The following FHIT variants were observed in gnomAD, a reference collection of about 807,000 sequenced individuals.
FHIT encodes bis(5'-adenosyl)-triphosphatase.
In FHIT, 19 loss-of-function variants were observed where a neutral mutation model predicts 17.9. That is an observed-to-expected ratio of 1.06 (90% CI 0.74 to 1.56). The LOEUF (loss-of-function observed/expected upper bound fraction) is 1.56. Ranked by LOEUF, FHIT falls within the 40% of genes most tolerant of loss-of-function variation. The pLI is 0.00. For synonymous variants in FHIT, 81 were observed against 69.7 expected, an observed-to-expected ratio of 1.16 and a Z score of -0.81; for missense variants, 248 against 189.2, an observed-to-expected ratio of 1.31 and a Z score of -1.82.
At chr3:60,134,549 G>A (rs1699732925) in intron 5 of FHIT, among the ~76,000 whole-genome samples, 1 of 152,184 alleles carries the variant, frequency 6.6e-6, no homozygotes, top group Non-Finnish European at 1.5e-5. Context: ...ACAACATGAT[G>A]ACTATGTTCA....
At chr3:60,104,094 C>T (rs564751589) in intron 5 of FHIT, among the ~76,000 whole-genome samples, 81 of 152,250 alleles carry the variant, frequency 5.3e-4, no homozygotes, top group African/African-American at 1.6e-3. Context: ...TCTTTTTAAA[C>T]CATGCCACAG....
intron 5 of FHIT, among the ~76,000 whole-genome samples, chr3:60,423,087 A>G (rs1702534920): frequency 6.6e-6 from 1 of 152,214 alleles, no homozygotes; most frequent in African/African-American, 2.4e-5. Flanking sequence ...ACCCAACGGA[A>G]CAGGCAGCCT....
intron 5 of FHIT, among the ~76,000 whole-genome samples, chr3:60,035,876 A>G (rs1009273234): frequency 2.6e-5 from 4 of 152,234 alleles, no homozygotes; most frequent in Admixed American, 6.5e-5. Flanking sequence ...TGTTGCTATG[A>G]TAACAAGCAG....
intron 1 of FHIT, among the ~76,000 whole-genome samples, chr3:61,206,819 C>T (rs1349147947): frequency 6.6e-6 from 1 of 152,120 alleles, no homozygotes; most frequent in Non-Finnish European, 1.5e-5. Flanking sequence ...TTTTCTTCTC[C>T]TGCCTGATTG....
chr3:60,835,091 CTA>C (rs1262766445), intron 3 of FHIT, among the ~76,000 whole-genome samples: 1 of 152,082 alleles, frequency 6.6e-6, no homozygotes, highest in Non-Finnish European at 1.5e-5. Flanking sequence ...TTCCGTTGAT[CTA>C]TGTTTCTGTC....
intron 2 of FHIT, among the ~76,000 whole-genome samples, chr3:61,095,863 T>A (rs9820971): frequency 6.6e-6 from 1 of 152,040 alleles, no homozygotes; most frequent in African/African-American, 2.4e-5. Context: ...GTAACAGATT[T>A]GCTATCTTGT....
intron 5 of FHIT, among the ~76,000 whole-genome samples, chr3:60,303,451 A>G (rs980517836): frequency 1.3e-4 from 20 of 152,146 alleles, no homozygotes; most frequent in Admixed American, 3.9e-4. Context: ...TATCAGCAAC[A>G]TTTACCAGTA....
At chr3:60,743,323 T>C (rs991542411) in intron 4 of FHIT, among the ~76,000 whole-genome samples, 1 of 152,206 alleles carries the variant, frequency 6.6e-6, no homozygotes, top group Middle Eastern at 3.2e-3. Flanking sequence ...GTCATTAATA[T>C]CAAGGGAATG....
At chr3:60,532,343 G>C (rs2035816678) in intron 5 of FHIT, among the ~76,000 whole-genome samples, 1 of 152,134 alleles carries the variant, frequency 6.6e-6, no homozygotes, top group Non-Finnish European at 1.5e-5. Flanking sequence ...TCTTCAAATG[G>C]ATACCACTAA....
chr3:60,927,307 G>T (rs952680905), intron 3 of FHIT, among the ~76,000 whole-genome samples: 1 of 152,236 alleles, frequency 6.6e-6, no homozygotes, highest in Non-Finnish European at 1.5e-5. Context: ...AGTGCTCAAT[G>T]TTGCCCAGGC....
chr3:60,541,065 C>G (rs1002525053), intron 4 of FHIT, among the ~76,000 whole-genome samples: 4 of 152,136 alleles, frequency 2.6e-5, no homozygotes, highest in Non-Finnish European at 1.5e-5. Flanking sequence ...CTGACCAAAC[C>G]CAACTATCCT....
chr3:60,294,229 C>A (rs551210109), intron 5 of FHIT, among the ~76,000 whole-genome samples: 19 of 152,264 alleles, frequency 1.2e-4, no homozygotes, highest in Middle Eastern at 3.4e-3. Flanking sequence ...CAAAGCACAT[C>A]TGATGGAATA....
chr3:60,399,779 G>A (rs1701589282), intron 5 of FHIT, among the ~76,000 whole-genome samples: 1 of 152,096 alleles, frequency 6.6e-6, no homozygotes, highest in African/African-American at 2.4e-5. Flanking sequence ...CTTGAAACTA[G>A]TCCCTATCTC....
intron 4 of FHIT, among the ~76,000 whole-genome samples, chr3:60,543,648 A>G (rs1236393806): frequency 1.3e-5 from 2 of 152,216 alleles, no homozygotes; most frequent in Non-Finnish European, 2.9e-5. Flanking sequence ...CTCCCAATAC[A>G]GCAGAAAGCT....
At chr3:60,886,768 T>G (rs1705241630) in intron 3 of FHIT, among the ~76,000 whole-genome samples, 1 of 152,198 alleles carries the variant, frequency 6.6e-6, no homozygotes, top group Admixed American at 6.5e-5. Flanking sequence ...GAAGAAGCTA[T>G]TCTTGAATGC....
chr3:60,445,802 T>A lies in FHIT; in HGVS notation c.103+91058A>T, dbSNP rs570890145. Among the ~76,000 whole-genome samples, 336 of 144,642 alleles carry A rather than the reference T, an allele frequency of 2.3e-3. 2 individuals carry two copies. Among genetic ancestry groups the A allele is most frequent in the African/African-American group, 8.0e-3 (303 of 38,046 alleles). The allele number at this position is 144,642 out of a possible 152,430, so 94.9% of individuals were successfully genotyped here. A position where few individuals can be genotyped will look rare whatever the true frequency, so the allele number is the denominator to read the frequency against. Reference sequence around the variant, plus strand: ...AAACTTTAAAGCAAAAAAAAAAAAATCATCCATTTCTGTTTATAGCAAGAC... The same window carrying A: ...AAACTTTAAAGCAAAAAAAAAAAAAACATCCATTTCTGTTTATAGCAAGAC... On this transcript the variant is annotated intron_variant, in intron 5 of 9. Transcript: ENST00000492590.
chr3:60,710,064 C>T (rs1171896840), intron 4 of FHIT, among the ~76,000 whole-genome samples: 12 of 127,510 alleles, frequency 9.4e-5, no homozygotes, highest in East Asian at 9.0e-4. Flanking sequence ...CATTTCAGCA[C>T]ACAGAATGCT....
chr3:60,751,470 T>C (rs1177561231), intron 4 of FHIT, among the ~76,000 whole-genome samples: 1 of 152,188 alleles, frequency 6.6e-6, no homozygotes. Flanking sequence ...AAGCAAAATA[T>C]GGGCAAAGGA....
chr3:60,569,043 C>T (rs2037244033), intron 4 of FHIT, among the ~76,000 whole-genome samples: 1 of 151,242 alleles, frequency 6.6e-6, no homozygotes, highest in Admixed American at 6.6e-5. Flanking sequence ...TGAAAACAGG[C>T]CTTCCAACTC....
Sources: allele counts gnomAD v4.1 joint callset (sites outside exome capture counted in the v4.1 genomes callset), GRCh38; gene constraint gnomAD v4.1.1; transcripts MANE v1.5; gene names NCBI Gene and HGNC (gene_info 2026-07-23, HGNC 2026-07-21).